The following PPP2R1A variants were observed in gnomAD, a reference collection of about 807,000 sequenced individuals.
PPP2R1A encodes the protein serine/threonine-protein phosphatase 2A 65 kDa regulatory subunit A alpha isoform.
A neutral mutation model predicts 67.1 loss-of-function variants in PPP2R1A; 15 were observed. The observed-to-expected ratio is 0.22, with a 90% CI of 0.15 to 0.34. The LOEUF is 0.34. Ranked by LOEUF, PPP2R1A falls within the 10% of genes least tolerant of loss-of-function variation. The probability of loss-of-function intolerance (pLI) is 1.00; values close to 1 mark genes in which losing one functional copy is unlikely to be tolerated. For synonymous variants in PPP2R1A, 337 were observed against 325.0 expected (o/e 1.04, Z -0.40); for missense variants, 369 against 775.0 (o/e 0.48, Z 6.22).
intron 1 of PPP2R1A, among the ~76,000 whole-genome samples, chr19:52,190,562 G>A: frequency 6.6e-6 from 1 of 152,242 alleles, no homozygotes; most frequent in East Asian, 1.9e-4. Context: ...AAGTAGGGGA[G>A]GGCCGCCGGG....
chr19:52,201,276 A>G (rs2089545711), intron 1 of PPP2R1A: 1 of 152,030 alleles, frequency 6.6e-6, no homozygotes, highest in Non-Finnish European at 1.5e-5. Context: ...TGCTAATGCT[A>G]CTCTTGTTTT....
intron 3 of PPP2R1A, among the ~76,000 whole-genome samples, chr19:52,207,130 G>A (rs900775127): frequency 4.6e-5 from 7 of 152,258 alleles, no homozygotes; most frequent in Middle Eastern, 3.4e-3. Context: ...TAATTTGTGC[G>A]TATGGACACA....
intron 3 of PPP2R1A, among the ~76,000 whole-genome samples, chr19:52,209,736 A>G (rs557921440): frequency 5.3e-5 from 8 of 152,260 alleles, no homozygotes; most frequent in African/African-American, 1.9e-4. Flanking sequence ...GATTCCTCAT[A>G]TAAGTGGAAT....
At position 52,211,001 on chromosome 19, in the gene PPP2R1A, A is replaced by G. The variant is rs2089663187; in HGVS notation, c.271-259A>G. The stretch of plus-strand genomic sequence containing the variant: ...TTTTAAGGTTTATGGACCCCAGTGA[A>G]ACTCCTTCAAGGACCCCTAAATAAG... On this transcript the variant is annotated intron_variant, in intron 3 of 14. Coordinates refer to ENST00000322088, the MANE Select transcript of PPP2R1A (RefSeq NM_014225.6). This position sits in a 1 kb window ranked among gnomAD's most constrained non-coding sequence, Gnocchi z 5.3. Among the ~76,000 whole-genome samples, 1 of 152,240 alleles carries G rather than the reference A, an allele frequency of 6.6e-6. No homozygotes were observed. Among genetic ancestry groups the G allele is most frequent in the South Asian group, 2.1e-4 (1 of 4,838 alleles).
chr19:52,226,099 A>G lies in PPP2R1A; in HGVS notation c.*118A>G, dbSNP rs1979243710. ...CACTCCCTGTGCATGGTCTGACCCC[A>G]GGCCCCTTCCCCCAGCACGGTTCCT... On this transcript the variant is annotated 3_prime_UTR_variant, in exon 15 of 15. Coordinates refer to ENST00000322088, the MANE Select transcript of PPP2R1A (RefSeq NM_014225.6). 6.7e-7 allele frequency: 1 copy of G among 1,490,800 alleles called. No homozygotes were observed. Among genetic ancestry groups the G allele is most frequent in the Admixed American group, 1.7e-5 (1 of 57,676 alleles). The allele number at this position is 1,490,800 out of a possible 1,614,324, so 92.3% of individuals were successfully genotyped here. A position where few individuals can be genotyped will look rare whatever the true frequency, so the allele number is the denominator to read the frequency against.
rs1358673534 is a variant in PPP2R1A at position 52,222,101 on chromosome 19, G to A, written c.1521G>A (p.Val507=). Residue 507 remains valine, a splice_region_variant and synonymous_variant, in exon 13 of 15, where the codon GTG becomes GTA. Transcript: ENST00000322088. The part of the protein sequence containing the change: ...HRMTTLFCIN[V]LSEVCGQDIT... ...CCCTGCCACTCACTGGCCCCCAGGT[G>A]CTGTCTGAGGTCTGTGGGCAGGACA... The A allele has an allele frequency of 6.2e-7, 1 of 1,609,996 alleles. No homozygotes were observed. Among genetic ancestry groups the A allele is most frequent in the Non-Finnish European group, 8.5e-7 (1 of 1,178,154 alleles).
chr19:52,195,912 A>G (rs1285992079), intron 1 of PPP2R1A, among the ~76,000 whole-genome samples: 1 of 152,056 alleles, frequency 6.6e-6, no homozygotes, highest in African/African-American at 2.4e-5. Context: ...GATCACCTTG[A>G]CCTTCAGCCC....
chr19:52,200,647 C>T (rs1398587183), intron 1 of PPP2R1A, among the ~76,000 whole-genome samples: 1 of 152,168 alleles, frequency 6.6e-6, no homozygotes, highest in East Asian at 1.9e-4. Context: ...AGTCTGAAAT[C>T]AAGGTCTCGG....
chr19:52,196,195 G>A (rs905067577), intron 1 of PPP2R1A, among the ~76,000 whole-genome samples: 1 of 152,152 alleles, frequency 6.6e-6, no homozygotes, highest in Non-Finnish European at 1.5e-5. Flanking sequence ...AGTGCACAGG[G>A]AATTCTCAGG....
At position 52,221,118 on chromosome 19, in the gene PPP2R1A, G is replaced by A. The variant is rs758332210; in HGVS notation, c.1503G>A (p.Thr501=). 21 of 1,614,168 alleles carry A rather than the reference G, an allele frequency of 1.3e-5. No individual in the cohort carries two copies. The highest frequency in any genetic ancestry group is 4.0e-5 in the African/African-American group (3 of 75,056). Residue 501 remains threonine, a synonymous_variant, in exon 12 of 15, where the codon ACG becomes ACA. Coordinates refer to ENST00000322088, the MANE Select transcript of PPP2R1A (RefSeq NM_014225.6). Reference sequence around the variant, plus strand: ...CCAACTACCTGCACCGCATGACTACGCTCTTCTGCATCAATGTGAGCCTTC... The same window carrying A: ...CCAACTACCTGCACCGCATGACTACACTCTTCTGCATCAATGTGAGCCTTC... ...GDPNYLHRMT[T]LFCINVLSEV... is the part of the protein sequence containing the mutation.
chr19:52,216,181 C>G lies in PPP2R1A; in HGVS notation c.993+107C>G. The G allele has an allele frequency of 8.0e-7, 1 of 1,254,644 alleles. No homozygotes were observed. Among genetic ancestry groups the G allele is most frequent in the Admixed American group, 1.9e-5 (1 of 51,464 alleles). 77.7% of individuals were successfully genotyped at this position (1,254,644 alleles called of 1,614,324 possible). A position where few individuals can be genotyped will look rare whatever the true frequency, so the allele number is the denominator to read the frequency against. On this transcript the variant is annotated intron_variant, in intron 8 of 14. Coordinates refer to ENST00000322088, the MANE Select transcript of PPP2R1A (RefSeq NM_014225.6). The surrounding 1 kb of genome is among the most constrained non-coding windows in gnomAD (Gnocchi z 4.3). The stretch of plus-strand genomic sequence containing the variant: ...TCAGCTGCAAACTAGGTTCCCAGCC[C>G]TCTGGGACCAGGCAGCTCTTGGGTT...
rs1318816775 is a variant in PPP2R1A at position 52,190,058 on chromosome 19, G to C, written c.-39G>C. 2 of 1,526,738 alleles carry C rather than the reference G, an allele frequency of 1.3e-6. No homozygotes were observed. The highest frequency in any genetic ancestry group is 1.4e-5 in the African/African-American group (1 of 71,276). 94.6% of individuals were successfully genotyped at this position (1,526,738 alleles called of 1,614,324 possible). On this transcript the variant is annotated 5_prime_UTR_variant, in exon 1 of 15. Transcript: ENST00000322088. ...ATTGCCCCCCCCACGTTTCAGCACAGCGCTGGCCGCAGTCTGACAGGAAAG... is the reference window on the plus strand; with the variant it reads ...ATTGCCCCCCCCACGTTTCAGCACACCGCTGGCCGCAGTCTGACAGGAAAG...
At chr19:52,215,964 C>T (rs1273562053) in intron 7 of PPP2R1A, 40 bp from the exon 8 acceptor site, 2 of 1,609,084 alleles carry the variant, frequency 1.2e-6, no homozygotes, top group Non-Finnish European at 1.7e-6. Context: ...ACTAGCACAT[C>T]AGGTCTCACT....
Position 52,226,333 on chromosome 19 carries a change from GTTTT to G in PPP2R1A, c.*358_*361del. Reference sequence around the variant, plus strand: ...CCACCTCCCGTCCTCCCCATCATTGGTTTTTTTTTGTGTGTCAACTGTGCCGTTT... The same window carrying G: ...CCACCTCCCGTCCTCCCCATCATTGGTTTTTGTGTGTCAACTGTGCCGTTT... On this transcript the variant is annotated 3_prime_UTR_variant, in exon 15 of 15. Coordinates refer to ENST00000322088, the MANE Select transcript of PPP2R1A (RefSeq NM_014225.6). 1 of 382,906 alleles carries G rather than the reference GTTTT, an allele frequency of 2.6e-6. No individual in the cohort carries two copies. The highest frequency in any genetic ancestry group is 4.7e-6 in the Non-Finnish European group (1 of 212,794). 23.7% of individuals were successfully genotyped at this position (382,906 alleles called of 1,614,324 possible). A position where few individuals can be genotyped will look rare whatever the true frequency, so the allele number is the denominator to read the frequency against.
In PPP2R1A at chr19:52,211,223, G is replaced by A. The variant is rs771483021; in HGVS notation, c.271-37G>A. ...GGGCTCCAGGGCTGCGGATGGTGGA[G>A]AGGGAGCTGTCCAGTGACTTTGTGT... is the stretch of plus-strand genomic sequence containing the variant. On this transcript the variant is annotated intron_variant, in intron 3 of 14. Transcript: ENST00000322088. This position sits in a 1 kb window ranked among gnomAD's most constrained non-coding sequence, Gnocchi z 5.3. 4.4e-6 allele frequency: 7 copies of A among 1,592,222 alleles called. No homozygotes were observed. In the South Asian group the frequency reaches 4.5e-5, roughly 10 times the overall value.
At position 52,222,991 on chromosome 19, in the gene PPP2R1A, C is replaced by T. The variant is rs150247633; in HGVS notation, c.1661+750C>T. Among the ~76,000 whole-genome samples the T allele has an allele frequency of 1.6e-4, 24 of 152,312 alleles. No individual in the cohort carries two copies. In the East Asian group the frequency reaches 4.0e-3, roughly 26 times the overall value. On this transcript the variant is annotated intron_variant, in intron 13 of 14. Transcript: ENST00000322088. ...CAGGTTCTTTAGTGGAAAATTGACA[C>T]TTCTAATGAACAAAGTTGTCTGATT...
chr19:52,214,338 G>A (rs1318525817), intron 6 of PPP2R1A, among the ~76,000 whole-genome samples: 2 of 152,124 alleles, frequency 1.3e-5, no homozygotes, highest in East Asian at 1.9e-4. Context: ...AATTATGCTG[G>A]TTCCCACTGG....
intron 1 of PPP2R1A, among the ~76,000 whole-genome samples, chr19:52,190,448 A>C (rs1262551763): frequency 6.6e-6 from 1 of 152,146 alleles, no homozygotes; most frequent in African/African-American, 2.4e-5. Flanking sequence ...GGTTGTGGCC[A>C]GGGCTGGGGT....
chr19:52,212,680 T>G lies in PPP2R1A; in HGVS notation c.504-6T>G. 6.2e-7 allele frequency: 1 copy of G among 1,612,642 alleles called. No individual in the cohort carries two copies. The highest frequency in any genetic ancestry group is 8.5e-7 in the Non-Finnish European group (1 of 1,180,004). On this transcript the variant is annotated splice_polypyrimidine_tract_variant and splice_region_variant and intron_variant, in intron 4 of 14. Transcript: ENST00000322088. This position sits in a 1 kb window ranked among gnomAD's most constrained non-coding sequence, Gnocchi z 4.1. ...CTGCCTCAGGATCCCCGTCCCCGAC[T>G]CCCAGGTACTTCCGGAACCTGTGCT...
Sources: gnomAD v4.1 joint callset for allele counts (sites outside exome capture counted in the v4.1 genomes callset) on GRCh38, gnomAD v4.1.1 for gene constraint, Gnocchi (gnomAD v3.1) non-coding constraint, MANE v1.5 for transcripts, NCBI Gene and HGNC (gene_info 2026-07-23, HGNC 2026-07-21) for gene names.